The following PTPRD variants were observed in gnomAD, a reference collection of about 807,000 sequenced individuals.
PTPRD encodes the protein receptor-type tyrosine-protein phosphatase delta.
A neutral mutation model predicts 214.5 loss-of-function variants in PTPRD; 34 were observed. The observed-to-expected ratio is 0.16, with a 90% CI of 0.12 to 0.21. The LOEUF (loss-of-function observed/expected upper bound fraction) is 0.21, where lower values mean the gene tolerates loss of function less well. Ranked by LOEUF, PTPRD falls within the 10% of genes least tolerant of loss-of-function variation. The pLI is 1.00. For missense variants in PTPRD, 2,545 were observed against 2,398.7 expected (o/e 1.06, Z -1.27); for synonymous variants, 1,128 against 845.7 (o/e 1.33, Z -5.79).
In PTPRD at chr9:9,947,413, T is replaced by A. The variant is rs868392911; in HGVS notation, c.-471-8803A>T. Reference sequence around the variant, plus strand: ...TATACATATTATATATAATATATATTTTATATATATATTATATATATATTA... The same window carrying A: ...TATACATATTATATATAATATATATATTATATATATATTATATATATATTA... On this transcript the variant is annotated intron_variant, in intron 4 of 45. Coordinates refer to ENST00000381196, the MANE Select transcript of PTPRD (RefSeq NM_002839.4). Among the ~76,000 whole-genome samples, 68 of 36,888 alleles carry A rather than the reference T, an allele frequency of 1.8e-3. 3 individuals carry two copies. Among genetic ancestry groups the A allele is most frequent in the South Asian group, 0.018 (27 of 1,528 alleles). 24.2% of individuals were successfully genotyped at this position (36,888 alleles called of 152,430 possible). A position where few individuals can be genotyped will look rare whatever the true frequency, so the allele number is the denominator to read the frequency against.
intron 2 of PTPRD, among the ~76,000 whole-genome samples, chr9:10,373,806 C>G (rs1259756774): frequency 6.6e-6 from 1 of 152,120 alleles, no homozygotes; most frequent in Non-Finnish European, 1.5e-5. Context: ...CATGTTTCAA[C>G]ATGTCAACAA....
rs550568885 is a variant in PTPRD at position 10,003,993 on chromosome 9, T to A, written c.-472+29725A>T. 7.2e-5 allele frequency among the ~76,000 whole-genome samples: 11 copies of A among 151,982 alleles called. No individual in the cohort carries two copies. In the East Asian group the frequency reaches 2.1e-3, roughly 29 times the overall value. ...AAATAAGAGGAAAAAAAGATTGGAA[T>A]TGAGAAACTTCAAAGGTTATTTTAT... is the stretch of plus-strand genomic sequence containing the variant. On this transcript the variant is annotated intron_variant, in intron 4 of 45. Transcript: ENST00000381196.
At chr9:9,167,929 C>T (rs1188051741) in intron 10 of PTPRD, among the ~76,000 whole-genome samples, 1 of 152,160 alleles carries the variant, frequency 6.6e-6, no homozygotes, top group African/African-American at 2.4e-5. Flanking sequence ...CCTTAGAAAG[C>T]TCCCTCTCAC....
chr9:8,930,215 G>T (rs1019131870), intron 11 of PTPRD, among the ~76,000 whole-genome samples: 1 of 151,288 alleles, frequency 6.6e-6, no homozygotes, highest in African/African-American at 2.4e-5. Flanking sequence ...GTGGTGTTTG[G>T]TTTTTTTGTC....
At chr9:9,750,189 T>C (rs1488720271) in intron 6 of PTPRD, among the ~76,000 whole-genome samples, 1 of 152,154 alleles carries the variant, frequency 6.6e-6, no homozygotes, top group Non-Finnish European at 1.5e-5. Context: ...CAATCAAAGG[T>C]GATGATTAGA....
At chr9:9,665,636 C>G (rs987902387) in intron 7 of PTPRD, among the ~76,000 whole-genome samples, 5 of 151,694 alleles carry the variant, frequency 3.3e-5, no homozygotes, top group Non-Finnish European at 5.9e-5. Context: ...GAGGTTCATT[C>G]TCTCTCAGCT....
At chr9:8,634,462 G>T (rs2096364442) in intron 13 of PTPRD, among the ~76,000 whole-genome samples, 1 of 151,920 alleles carries the variant, frequency 6.6e-6, no homozygotes, top group Non-Finnish European at 1.5e-5. Context: ...TTTTGTGTGT[G>T]CATGTGTATA....
intron 9 of PTPRD, among the ~76,000 whole-genome samples, chr9:9,254,787 C>G (rs1027620690): frequency 2.0e-5 from 3 of 151,996 alleles, no homozygotes; most frequent in Non-Finnish European, 2.9e-5. Flanking sequence ...GCCCTCATTC[C>G]TTTTACTTTT....
intron 9 of PTPRD, among the ~76,000 whole-genome samples, chr9:9,211,194 A>C (rs2099948340): frequency 6.6e-6 from 1 of 152,032 alleles, no homozygotes; most frequent in Admixed American, 6.6e-5. Context: ...TTACTTATAA[A>C]GGTCTGTATT....
chr9:9,922,763 A>G (rs908347453), intron 5 of PTPRD, among the ~76,000 whole-genome samples: 15 of 140,174 alleles, frequency 1.1e-4, no homozygotes, highest in African/African-American at 3.5e-4. Context: ...TATTAAAAAC[A>G]GGGGGAATTT....
chr9:8,841,301 A>G (rs1385942548), intron 11 of PTPRD, among the ~76,000 whole-genome samples: 2 of 152,264 alleles, frequency 1.3e-5, no homozygotes, highest in East Asian at 3.8e-4. Flanking sequence ...AACAGGTTCA[A>G]AGTAAACCCT....
At chr9:9,947,985 T>C (rs1268409327) in intron 4 of PTPRD, among the ~76,000 whole-genome samples, 1 of 151,866 alleles carries the variant, frequency 6.6e-6, no homozygotes, top group Non-Finnish European at 1.5e-5. Context: ...AGGAATATCC[T>C]GGTAGCAAGA....
intron 9 of PTPRD, among the ~76,000 whole-genome samples, chr9:9,301,154 C>G (rs976342344): frequency 1.3e-5 from 2 of 151,754 alleles, no homozygotes; most frequent in South Asian, 4.1e-4. Flanking sequence ...AATCTTTAAT[C>G]TCCTCAGATG....
chr9:9,293,977 T>C (rs758859458), intron 9 of PTPRD, among the ~76,000 whole-genome samples: 2 of 151,636 alleles, frequency 1.3e-5, no homozygotes, highest in Non-Finnish European at 3.0e-5. Flanking sequence ...TCAGTACTCT[T>C]GCACTTTGGG....
Position 8,613,622 on chromosome 9 carries a change from A to G in PTPRD, c.352+19695T>C, listed in dbSNP as rs143162399. Among the ~76,000 whole-genome samples the G allele has an allele frequency of 3.7e-3, 559 of 152,196 alleles. 4 individuals are homozygous for G. The highest frequency in any genetic ancestry group is 0.017 in the East Asian group (86 of 5,154). On this transcript the variant is annotated intron_variant, in intron 14 of 45. Transcript: ENST00000381196. ...AAATGATCACTCACCTCTACCTCCT[A>G]AAATTGCCCTGGTAATTTTCAGGAA...
At chr9:9,392,273 G>C (rs753447839) in intron 9 of PTPRD, among the ~76,000 whole-genome samples, 1 of 152,146 alleles carries the variant, frequency 6.6e-6, no homozygotes, top group African/African-American at 2.4e-5. Flanking sequence ...AAGTCATCCT[G>C]ACAGGCCCAT....
intron 11 of PTPRD, among the ~76,000 whole-genome samples, chr9:8,924,237 A>G (rs112980374): frequency 0.038 from 789 of 20,862 alleles, 7 homozygotes; most frequent in African/African-American, 0.16. Context: ...GTATCAACCC[A>G]AAATTTTTAA....
intron 11 of PTPRD, among the ~76,000 whole-genome samples, chr9:8,876,992 T>A (rs530155559): frequency 1.3e-5 from 2 of 152,080 alleles, no homozygotes; most frequent in South Asian, 4.2e-4. Flanking sequence ...AGTGGCGCGA[T>A]CTCAGCTCAC....
intron 5 of PTPRD, among the ~76,000 whole-genome samples, chr9:9,878,939 G>C (rs1011792881): frequency 7.2e-5 from 11 of 152,112 alleles, no homozygotes; most frequent in African/African-American, 2.7e-4. Context: ...ATAGGCTCCA[G>C]TCACATTATA....
Sources: allele counts gnomAD v4.1 joint callset (sites outside exome capture counted in the v4.1 genomes callset), GRCh38; gene constraint gnomAD v4.1.1; transcripts MANE v1.5; gene names NCBI Gene and HGNC (gene_info 2026-07-23, HGNC 2026-07-21).